The following SPAG16 variants were observed in gnomAD, a reference collection of about 807,000 sequenced individuals.
SPAG16 encodes the protein sperm-associated antigen 16 protein.
Under a neutral mutation model 80.4 loss-of-function variants are expected in SPAG16, and 86 were observed. The ratio of observed to expected loss-of-function variants is 1.07; its 90% CI spans 0.90 to 1.28. SPAG16 has a LOEUF of 1.28. Among genes scored for constraint, SPAG16 ranks in the 50% most tolerant of loss-of-function variants. The pLI is 0.00. For missense variants in SPAG16, 870 were observed against 765.3 expected (o/e 1.14, Z -1.61); for synonymous variants, 294 against 265.9 (o/e 1.11, Z -1.03).
At chr2:213,821,751 A>G (rs2072953813) in intron 10 of SPAG16, among the ~76,000 whole-genome samples, 1 of 152,126 alleles carries the variant, frequency 6.6e-6, no homozygotes, top group South Asian at 2.1e-4. Context: ...CTATCTGTCT[A>G]CAAGAGTTCA....
intron 10 of SPAG16, among the ~76,000 whole-genome samples, chr2:213,634,454 C>G (rs529991034): frequency 1.3e-5 from 2 of 152,256 alleles, no homozygotes; most frequent in South Asian, 4.1e-4. Flanking sequence ...AAGAAGTTCA[C>G]ATGCCACAGT....
intron 9 of SPAG16, among the ~76,000 whole-genome samples, chr2:213,381,135 G>A (rs1434316555): frequency 6.6e-6 from 1 of 152,166 alleles, no homozygotes; most frequent in Admixed American, 6.5e-5. Context: ...GCTATGATAA[G>A]CCCCTAATTT....
At chr2:213,522,692 C>A (rs1272822836) in intron 10 of SPAG16, among the ~76,000 whole-genome samples, 1 of 151,996 alleles carries the variant, frequency 6.6e-6, no homozygotes, top group African/African-American at 2.4e-5. Flanking sequence ...GGGGTCTGGG[C>A]AGCACATCTT....
chr2:213,347,067 G>C (rs1472061766), intron 6 of SPAG16, among the ~76,000 whole-genome samples: 1 of 152,122 alleles, frequency 6.6e-6, no homozygotes, highest in Non-Finnish European at 1.5e-5. Context: ...TTCAGAGCCT[G>C]CAATTGGTCT....
chr2:213,934,040 C>G (rs547017437), intron 12 of SPAG16, among the ~76,000 whole-genome samples: 8 of 152,266 alleles, frequency 5.3e-5, no homozygotes, highest in African/African-American at 1.9e-4. Flanking sequence ...GCACCAATCT[C>G]AATATGGCCA....
intron 15 of SPAG16, among the ~76,000 whole-genome samples, chr2:214,203,949 G>C (rs951939231): frequency 6.6e-6 from 1 of 152,160 alleles, no homozygotes; most frequent in Non-Finnish European, 1.5e-5. Flanking sequence ...TCTCAGCTCT[G>C]CCTACCCACT....
chr2:213,832,919 C>A (rs902357968), intron 10 of SPAG16, among the ~76,000 whole-genome samples: 2 of 151,980 alleles, frequency 1.3e-5, no homozygotes, highest in African/African-American at 4.8e-5. Context: ...GGTATCAAAC[C>A]ATTCCACCTC....
rs200884450 is a variant in SPAG16 at position 214,149,313 on chromosome 2, A to G, written c.1720+47A>G. ...GTTTCTGACTAAGCCAATAACATTAATATTTGTTCTGAAACTATTTTGTTT... is the reference window on the plus strand; with the variant it reads ...GTTTCTGACTAAGCCAATAACATTAGTATTTGTTCTGAAACTATTTTGTTT... On this transcript the variant is annotated intron_variant, in intron 15 of 15. Coordinates refer to ENST00000331683, the MANE Select transcript of SPAG16 (RefSeq NM_024532.5). The G allele has an allele frequency of 2.1e-4, 291 of 1,411,494 alleles. No individual in the cohort carries two copies. In the African/African-American group the frequency reaches 4.0e-3, roughly 19 times the overall value. 87.4% of individuals were successfully genotyped at this position (1,411,494 alleles called of 1,614,324 possible).
At chr2:214,274,611 A>G (rs1692305257) in intron 15 of SPAG16, among the ~76,000 whole-genome samples, 1 of 152,088 alleles carries the variant, frequency 6.6e-6, no homozygotes, top group Non-Finnish European at 1.5e-5. Context: ...AATGATTTGC[A>G]TATGTTGAAC....
At chr2:213,887,683 G>C (rs1012361349) in intron 11 of SPAG16, among the ~76,000 whole-genome samples, 2 of 151,316 alleles carry the variant, frequency 1.3e-5, no homozygotes, top group South Asian at 2.1e-4. Context: ...TATAGAGTAT[G>C]ACTAATTTTA....
At chr2:213,869,282 T>TAG in intron 11 of SPAG16, among the ~76,000 whole-genome samples, 1 of 95,916 alleles carries the variant, frequency 1.0e-5, no homozygotes, top group Admixed American at 1.1e-4. Context: ...TATATATATG[T>TAG]ATATATATAT....
intron 10 of SPAG16, among the ~76,000 whole-genome samples, chr2:213,727,555 C>G (rs1265821571): frequency 6.6e-6 from 1 of 152,126 alleles, no homozygotes; most frequent in Non-Finnish European, 1.5e-5. Context: ...GCAAGGAGAA[C>G]TGGTACAAAG....
At chr2:213,872,647 G>T (rs2075998030) in intron 11 of SPAG16, among the ~76,000 whole-genome samples, 1 of 152,076 alleles carries the variant, frequency 6.6e-6, no homozygotes, top group African/African-American at 2.4e-5. Flanking sequence ...GACAAATGAA[G>T]ACATCCTTGT....
At chr2:214,253,330 G>T (rs1041405927) in intron 15 of SPAG16, among the ~76,000 whole-genome samples, 12 of 151,924 alleles carry the variant, frequency 7.9e-5, no homozygotes, top group Non-Finnish European at 8.8e-5. Context: ...TGTCAATTTT[G>T]GCTTTTGTTG....
intron 13 of SPAG16, among the ~76,000 whole-genome samples, chr2:214,031,320 C>A (rs2048396750): frequency 6.7e-6 from 1 of 150,318 alleles, no homozygotes; most frequent in Non-Finnish European, 1.5e-5. Flanking sequence ...TCATCCTTCT[C>A]AGTAAACTAT....
intron 11 of SPAG16, among the ~76,000 whole-genome samples, chr2:213,917,663 G>A (rs1422162212): frequency 1.3e-5 from 2 of 152,100 alleles, no homozygotes; most frequent in African/African-American, 4.8e-5. Context: ...GTCAGATCAG[G>A]GAACTTTTGG....
intron 15 of SPAG16, among the ~76,000 whole-genome samples, chr2:214,250,668 T>G (rs1455820421): frequency 7.3e-6 from 1 of 137,550 alleles, no homozygotes; most frequent in Admixed American, 7.6e-5. Context: ...TATTATATAT[T>G]TATATATTAT....
At chr2:214,314,916 C>T (rs1170768555) in intron 15 of SPAG16, among the ~76,000 whole-genome samples, 2 of 151,228 alleles carry the variant, frequency 1.3e-5, no homozygotes, top group Non-Finnish European at 2.9e-5. Flanking sequence ...CTGCATTCAG[C>T]CTGATGGGTA....
chr2:213,383,093 T>C (rs1246354651), intron 9 of SPAG16, among the ~76,000 whole-genome samples: 1 of 152,126 alleles, frequency 6.6e-6, no homozygotes, highest in East Asian at 1.9e-4. Flanking sequence ...TACCCCATTA[T>C]TTTCTGATTG....
Sources: gnomAD v4.1 joint callset for allele counts (sites outside exome capture counted in the v4.1 genomes callset) on GRCh38, gnomAD v4.1.1 for gene constraint, MANE v1.5 for transcripts, NCBI Gene and HGNC (gene_info 2026-07-23, HGNC 2026-07-21) for gene names.